The following ULK4 variants were observed in gnomAD, a reference collection of about 807,000 sequenced individuals.
The protein encoded by ULK4 is inactive serine/threonine-protein kinase ULK4.
ULK4 carries 133 observed loss-of-function variants against 160.6 expected under a neutral mutation model. The observed-to-expected ratio is 0.83, with a 90% CI of 0.72 to 0.96. The LOEUF (loss-of-function observed/expected upper bound fraction) is 0.96, where lower values mean the gene tolerates loss of function less well. ULK4 is among the 40% of genes least tolerant of loss of function. The pLI, the probability that ULK4 is intolerant of heterozygous loss-of-function variation, is 0.00. For missense variants in ULK4, 1,580 were observed against 1,499.5 expected (o/e 1.05, Z -0.89); for synonymous variants, 534 against 539.8 (o/e 0.99, Z 0.15).
At position 41,603,644 on chromosome 3, in the gene ULK4, A is replaced by G. The variant is rs570763947; in HGVS notation, c.3120+12025T>C. ...GATAAAACAAATCATACAAATTGAG[A>G]TATGCATACACATTGTACCAGTGCA... On this transcript the variant is annotated intron_variant, in intron 31 of 36. Coordinates refer to ENST00000301831, the MANE Select transcript of ULK4 (RefSeq NM_017886.4). 3.3e-5 allele frequency among the ~76,000 whole-genome samples: 5 copies of G among 152,182 alleles called. No homozygotes were observed. In the South Asian group the frequency reaches 1.0e-3, roughly 32 times the overall value.
At chr3:41,506,840 A>G (rs913972843) in intron 32 of ULK4, among the ~76,000 whole-genome samples, 1 of 135,570 alleles carries the variant, frequency 7.4e-6, no homozygotes, top group Non-Finnish European at 1.5e-5. Context: ...TACCAAAAAG[A>G]TAATAACTGA....
At chr3:41,270,083 G>A (rs1436065770) in intron 35 of ULK4, among the ~76,000 whole-genome samples, 1 of 152,142 alleles carries the variant, frequency 6.6e-6, no homozygotes, top group Non-Finnish European at 1.5e-5. Context: ...AGATAAGGAT[G>A]AGCAAAGTTG....
At chr3:41,247,116 G>T in intron 36 of ULK4, 124 bp from the exon 37 acceptor site, 1 of 935,544 alleles carries the variant, frequency 1.1e-6, no homozygotes, top group Non-Finnish European at 1.7e-6. Context: ...GCATCCTCTT[G>T]GGAAGCAGAA....
At chr3:41,797,025 ATAGT>A (rs2040319724) in intron 20 of ULK4, among the ~76,000 whole-genome samples, 1 of 152,330 alleles carries the variant, frequency 6.6e-6, no homozygotes, top group Admixed American at 6.5e-5. Flanking sequence ...AGTAGCAGTA[ATAGT>A]ATCACATTAC....
intron 27 of ULK4, among the ~76,000 whole-genome samples, chr3:41,694,544 G>A (rs1476555010): frequency 6.6e-6 from 1 of 152,146 alleles, no homozygotes; most frequent in Non-Finnish European, 1.5e-5. Flanking sequence ...TTCACATAAG[G>A]AATGCTGAGT....
chr3:41,260,855 A>G (rs887939884), intron 35 of ULK4, among the ~76,000 whole-genome samples: 1 of 152,236 alleles, frequency 6.6e-6, no homozygotes, highest in African/African-American at 2.4e-5. Context: ...CAGGAGGACC[A>G]CTATGTGAGG....
chr3:41,833,349 G>A (rs981292261), intron 18 of ULK4, among the ~76,000 whole-genome samples: 1 of 151,612 alleles, frequency 6.6e-6, no homozygotes, highest in South Asian at 2.1e-4. Flanking sequence ...AGGCTGGAGG[G>A]CAGTGGCGCA....
chr3:41,303,074 C>T (rs1230774544), intron 35 of ULK4, among the ~76,000 whole-genome samples: 1 of 152,034 alleles, frequency 6.6e-6, no homozygotes, highest in African/African-American at 2.4e-5. Flanking sequence ...GTCAAGCATT[C>T]GAATATAAAT....
intron 35 of ULK4, among the ~76,000 whole-genome samples, chr3:41,303,322 T>C (rs1445398374): frequency 6.6e-6 from 1 of 152,192 alleles, no homozygotes; most frequent in African/African-American, 2.4e-5. Flanking sequence ...GAAGTAAAAC[T>C]CCAGGGAGGC....
intron 34 of ULK4, among the ~76,000 whole-genome samples, chr3:41,431,506 T>A: frequency 6.7e-6 from 1 of 148,524 alleles, no homozygotes; most frequent in East Asian, 2.0e-4. Context: ...ATTAATCTTT[T>A]AGCCTTCTCA....
At chr3:41,635,864 T>C (rs576565385) in intron 30 of ULK4, among the ~76,000 whole-genome samples, 4 of 152,350 alleles carry the variant, frequency 2.6e-5, no homozygotes, top group African/African-American at 9.6e-5. Flanking sequence ...CAAATTCTAT[T>C]GGGTTTTTAA....
chr3:41,720,300 G>C, intron 22 of ULK4, among the ~76,000 whole-genome samples: 1 of 152,108 alleles, frequency 6.6e-6, no homozygotes, highest in African/African-American at 2.4e-5. Context: ...TGTTGAAACT[G>C]CCATAAAGTT....
At chr3:41,322,861 T>C (rs2080270489) in intron 35 of ULK4, among the ~76,000 whole-genome samples, 1 of 152,204 alleles carries the variant, frequency 6.6e-6, no homozygotes, top group African/African-American at 2.4e-5. Flanking sequence ...TGTAGAAGGT[T>C]ATCTTTATGA....
At chr3:41,694,956 C>T (rs2036439222) in intron 27 of ULK4, among the ~76,000 whole-genome samples, 2 of 152,158 alleles carry the variant, frequency 1.3e-5, no homozygotes, top group Admixed American at 1.3e-4. Context: ...ATAACAAATG[C>T]CTTACACTGC....
chr3:41,915,983 T>G lies in ULK4; in HGVS notation c.797A>C (p.Gln266Pro). The G allele has an allele frequency of 6.3e-7, 1 of 1,587,686 alleles. No homozygotes were observed. The highest frequency in any genetic ancestry group is 8.5e-7 in the Non-Finnish European group (1 of 1,172,922). The change falls in exon 8 of 37, where the codon CAG becomes CCG. Residue 266 changes from glutamine to proline, a missense_variant. By Grantham distance (76) the Gln-to-Pro change is moderately conservative. Transcript: ENST00000301831. ...LLDGLLQRDP[Q>P]KRLTWTRLLQ... ...ATCGAACTACTGTCCCTACCTTTTC[T>G]GAGGATCTCTTTGAAGTAACCCATC...
At chr3:41,845,264 G>A (rs910700787) in intron 17 of ULK4, among the ~76,000 whole-genome samples, 7 of 152,048 alleles carry the variant, frequency 4.6e-5, no homozygotes, top group African/African-American at 7.2e-5. Flanking sequence ...GCAGCCGGCC[G>A]ACCCAGATAT....
intron 35 of ULK4, among the ~76,000 whole-genome samples, chr3:41,272,368 T>TTTTG (rs2079153380): frequency 1.1e-5 from 1 of 93,854 alleles, no homozygotes; most frequent in African/African-American, 5.3e-5. Context: ...TTTTTTTTTT[T>TTTTG]GCTGGAAATG....
Position 41,856,529 on chromosome 3 carries a change from ATATGTATG to A in ULK4, c.1657-20566_1657-20559del, listed in dbSNP as rs1248634360. ...AATAAATAAATATATATATATATAT[ATATGTATG>A]TATATATATATGTGTATATATATAC... On this transcript the variant is annotated intron_variant, in intron 17 of 36. Transcript: ENST00000301831. Among the ~76,000 whole-genome samples the A allele has an allele frequency of 1.9e-3, 226 of 116,012 alleles. 2 individuals are homozygous for A. Among genetic ancestry groups the A allele is most frequent in the African/African-American group, 7.0e-3 (159 of 22,638 alleles). The allele number at this position is 116,012 out of a possible 152,430, so 76.1% of individuals were successfully genotyped here. A position where few individuals can be genotyped will look rare whatever the true frequency, so the allele number is the denominator to read the frequency against.
At chr3:41,878,007 C>T (rs10865914) in intron 17 of ULK4, among the ~76,000 whole-genome samples, 103,767 of 149,390 alleles carry the variant, frequency 0.69, 39,106 homozygotes, top group East Asian at 0.83. Context: ...ATTGGAAAAG[C>T]AGAATAAACT....
Sources: allele counts gnomAD v4.1 joint callset (sites outside exome capture counted in the v4.1 genomes callset), GRCh38; gene constraint gnomAD v4.1.1; transcripts MANE v1.5; gene names NCBI Gene and HGNC (gene_info 2026-07-23, HGNC 2026-07-21).